The following GLB1L3 variants were observed in gnomAD, a reference collection of about 807,000 sequenced individuals.
The protein encoded by GLB1L3 is galactosidase beta 1 like 3, also known as beta-galactosidase-1-like protein 3.
GLB1L3 carries 89 observed loss-of-function variants against 89.5 expected under a neutral mutation model. The ratio of observed to expected loss-of-function variants is 0.99; its 90% CI spans 0.84 to 1.19. The LOEUF (loss-of-function observed/expected upper bound fraction) is 1.19. Among genes scored for constraint, GLB1L3 ranks in the 50% most tolerant of loss-of-function variants. The probability of loss-of-function intolerance (pLI) is 0.00; values close to 1 mark genes in which losing one functional copy is unlikely to be tolerated. For synonymous variants in GLB1L3, 314 were observed against 312.3 expected (o/e 1.01, Z -0.06); for missense variants, 812 against 813.3 (o/e 1.00, Z 0.02).
intron 1 of GLB1L3, chr11:134,277,026 C>A: frequency 1.7e-6 from 1 of 572,094 alleles, no homozygotes. Flanking sequence ...CGTGTCCTTC[C>A]CGAACCTGGT....
chr11:134,312,934 G>A, intron 15 of GLB1L3, 47 bp downstream of exon 15: 1 of 1,266,162 alleles, frequency 7.9e-7, no homozygotes, highest in Non-Finnish European at 1.1e-6. Flanking sequence ...CCCCTCAAAT[G>A]CAGACGGAGC....
chr11:134,309,737 A>C lies in GLB1L3; in HGVS notation c.1073A>C (p.Lys358Thr), dbSNP rs1022928378. The C allele has an allele frequency of 2.5e-6, 4 of 1,613,512 alleles. No homozygotes were observed. Among genetic ancestry groups the C allele is most frequent in the Non-Finnish European group, 2.5e-6 (3 of 1,179,686 alleles). Reference protein sequence around the residue: ...GFMNGATYFGKHSGIVTSYDY... With the variant: ...GFMNGATYFGTHSGIVTSYDY... The stretch of plus-strand genomic sequence containing the variant: ...ATGAACGGGGCCACATATTTCGGGA[A>C]GCACTCGGGCATTGTCACCAGCTAT... Residue 358 changes from lysine to threonine, a missense_variant, in exon 11 of 20, where the codon AAG becomes ACG. Around this residue, in one of 3 missense-constraint regions of GLB1L3, gnomAD observed 618 missense variants for 604.0 expected, o/e 1.02. Transcript: ENST00000431683.
intron 18 of GLB1L3, among the ~76,000 whole-genome samples, chr11:134,315,367 T>C (rs1430064081): frequency 6.6e-6 from 1 of 152,184 alleles, no homozygotes; most frequent in African/African-American, 2.4e-5. Context: ...CATAAAGGAT[T>C]TAGGAAGGCG....
intron 18 of GLB1L3, among the ~76,000 whole-genome samples, chr11:134,318,359 G>A (rs1296379736): frequency 2.0e-5 from 3 of 152,164 alleles, no homozygotes; most frequent in Non-Finnish European, 4.4e-5. Flanking sequence ...TTTATTTCTG[G>A]AAGTAGAAGA....
rs542907057 is a variant in GLB1L3, at chr11:134,302,461, T to G, written c.877-4663T>G. ...CAACATTCACAATTTTGTTATTCACTTAATTCTATAATATATTCATAATAG... is the reference window on the plus strand; with the variant it reads ...CAACATTCACAATTTTGTTATTCACGTAATTCTATAATATATTCATAATAG... On this transcript the variant is annotated intron_variant, in intron 9 of 19. Coordinates refer to ENST00000431683, the MANE Select transcript of GLB1L3 (RefSeq NM_001080407.3). 2.9e-4 allele frequency among the ~76,000 whole-genome samples: 44 copies of G among 152,372 alleles called. 1 individual carries two copies. Among genetic ancestry groups the G allele is most frequent in the African/African-American group, 1.0e-3 (43 of 41,594 alleles).
chr11:134,298,244 G>A (rs1941763148), intron 9 of GLB1L3, among the ~76,000 whole-genome samples: 1 of 151,224 alleles, frequency 6.6e-6, no homozygotes, highest in Admixed American at 6.6e-5. Context: ...CATTAAGTAA[G>A]AAATAATAAT....
chr11:134,285,918 T>C (rs1940960276), intron 6 of GLB1L3, among the ~76,000 whole-genome samples: 1 of 151,300 alleles, frequency 6.6e-6, no homozygotes, highest in Non-Finnish European at 1.5e-5. Context: ...GTTTTTTTTT[T>C]TTTTTTTGGA....
At position 134,281,696 on chromosome 11, in the gene GLB1L3, C is replaced by T. The variant is rs559844877; in HGVS notation, c.431+251C>T. On this transcript the variant is annotated intron_variant, in intron 4 of 19. Coordinates refer to ENST00000431683, the MANE Select transcript of GLB1L3 (RefSeq NM_001080407.3). ...CAGAGGGGCAGAAGACCCTGGGAGC[C>T]GCCCGACTCTGCATGGGGTCTGGCG... 8.0e-4 allele frequency among the ~76,000 whole-genome samples: 87 copies of T among 108,478 alleles called. 1 individual carries two copies. Among genetic ancestry groups the T allele is most frequent in the Non-Finnish European group, 1.4e-3 (68 of 49,130 alleles). The allele number at this position is 108,478 out of a possible 152,430, so 71.2% of individuals were successfully genotyped here.
intron 9 of GLB1L3, among the ~76,000 whole-genome samples, 159 bp downstream of exon 9, chr11:134,293,368 A>T (rs532987866): frequency 6.6e-6 from 1 of 152,178 alleles, no homozygotes; most frequent in South Asian, 2.1e-4. Flanking sequence ...GCCTTTTGGG[A>T]TGGGGAAGGA....
chr11:134,306,329 G>T (rs183753218), intron 9 of GLB1L3, among the ~76,000 whole-genome samples: 1 of 152,306 alleles, frequency 6.6e-6, no homozygotes, highest in Admixed American at 6.5e-5. Flanking sequence ...AATATTAATT[G>T]TGTTGATAGC....
downstream of GLB1L3, among the ~76,000 whole-genome samples, chr11:134,320,202 T>C (rs558288838): frequency 3.9e-5 from 6 of 152,290 alleles, no homozygotes; most frequent in Admixed American, 3.3e-4. Flanking sequence ...TCAAGTAATT[T>C]AGTAAGTAAT....
At chr11:134,308,256 C>CCACCACCACCAT (rs1942356368) in intron 10 of GLB1L3, among the ~76,000 whole-genome samples, 1 of 35,916 alleles carries the variant, frequency 2.8e-5, no homozygotes. Flanking sequence ...ACCACCATCA[C>CCACCACCACCAT]CACCACCACC....
chr11:134,319,123 T>G lies in GLB1L3; in HGVS notation c.*181T>G, dbSNP rs140837887. ...GTGCACGCCACCACGCCTGGCTAAT[T>G]TTTTGTATTTTTAGTAGAGATGGGG... On this transcript the variant is annotated 3_prime_UTR_variant, in exon 20 of 20. Transcript: ENST00000431683. 536 of 551,954 alleles carry G rather than the reference T, an allele frequency of 9.7e-4. 1 individual carries two copies. Among genetic ancestry groups the G allele is most frequent in the African/African-American group, 8.6e-3 (454 of 52,658 alleles). 34.2% of individuals were successfully genotyped at this position (551,954 alleles called of 1,614,324 possible). A position where few individuals can be genotyped will look rare whatever the true frequency, so the allele number is the denominator to read the frequency against.
chr11:134,309,873 T>G, intron 11 of GLB1L3, 110 bp downstream of exon 11: 1 of 1,177,130 alleles, frequency 8.5e-7, no homozygotes, highest in South Asian at 1.5e-5. Context: ...CTATAATCTA[T>G]GCTGAGTACT....
At chr11:134,308,450 CACCACCACCACCACCACCACCAA>C (rs1565413757) in intron 10 of GLB1L3, among the ~76,000 whole-genome samples, 1 of 66,164 alleles carries the variant, frequency 1.5e-5, no homozygotes, top group African/African-American at 1.2e-4. Context: ...CCACCATCAC[CACCACCACCACCACCACCACCAA>C]ATACCACCAC....
Position 134,277,282 on chromosome 11 carries a change from G to A in GLB1L3, c.24-44G>A, listed in dbSNP as rs201892659. 350 of 1,613,018 alleles carry A rather than the reference G, an allele frequency of 2.2e-4. No individual in the cohort carries two copies. The African/African-American group carries it at 4.1e-3, about 19-fold the overall frequency. On this transcript the variant is annotated intron_variant, in intron 1 of 19. Transcript: ENST00000431683. ...CTTCCCGGCCCTTGCAGCCCGGTGGGGCCGGAACCTTCCCCTTGTCACTGT... is the reference window on the plus strand; with the variant it reads ...CTTCCCGGCCCTTGCAGCCCGGTGGAGCCGGAACCTTCCCCTTGTCACTGT...
Position 134,309,663 on chromosome 11 carries a change from G to T in GLB1L3, c.999G>T (p.Glu333Asp), listed in dbSNP as rs200407892. ...CTGTGTCTGAATTCATCAAATATGA[G>T]ATCTCCTTCAATGTATATATGTTCC... ...EHAVSEFIKY[E>D]ISFNVYMFHG... The change falls in exon 11 of 20, where the codon GAG (glutamate) becomes GAT (aspartate). Residue 333 changes from glutamate to aspartate, a missense_variant. Coordinates refer to ENST00000431683, the MANE Select transcript of GLB1L3 (RefSeq NM_001080407.3). 1.5e-4 allele frequency: 246 copies of T among 1,610,014 alleles called. 2 individuals are homozygous for T. In the African/African-American group the frequency reaches 3.0e-3, roughly 19 times the overall value.
intron 3 of GLB1L3, 39 bp downstream of exon 3, chr11:134,277,951 T>C (rs1322213285): frequency 1.3e-6 from 2 of 1,598,114 alleles, no homozygotes; most frequent in Non-Finnish European, 1.7e-6. Context: ...CTCGTTACCC[T>C]ACAAGTGCAT....
chr11:134,322,883 A>G (rs1002694371), downstream of GLB1L3, among the ~76,000 whole-genome samples: 1 of 152,196 alleles, frequency 6.6e-6, no homozygotes, highest in African/African-American at 2.4e-5. Flanking sequence ...ATATTCATGC[A>G]TAAGTTTTTG....
Sources: gnomAD v4.1 joint callset for allele counts (sites outside exome capture counted in the v4.1 genomes callset) on GRCh38, gnomAD v4.1.1 for gene constraint, gnomAD v4.1.1 regional missense constraint, MANE v1.5 for transcripts, NCBI Gene and HGNC (gene_info 2026-07-23, HGNC 2026-07-21) for gene names.